CNTN5: variants seen among roughly 807,000 people sequenced by gnomAD.
CNTN5 encodes contactin-5.
A neutral mutation model predicts 129.1 loss-of-function variants in CNTN5; 77 were observed. The observed-to-expected ratio is 0.60, with a 90% CI of 0.50 to 0.72. The LOEUF is 0.72. CNTN5 is among the 30% of genes least tolerant of loss of function. The pLI is 0.00. For synonymous variants in CNTN5, 509 were observed against 465.6 expected, an observed-to-expected ratio of 1.09 and a Z score of -1.20; for missense variants, 1,478 against 1,328.8, an observed-to-expected ratio of 1.11 and a Z score of -1.75.
At chr11:100,354,769 CAACAT>C (rs1952487151) in intron 24 of CNTN5, among the ~76,000 whole-genome samples, 1 of 151,626 alleles carries the variant, frequency 6.6e-6, no homozygotes, top group Non-Finnish European at 1.5e-5. Flanking sequence ...TAGACATACA[CAACAT>C]GATACTGTAC....
intron 2 of CNTN5, among the ~76,000 whole-genome samples, chr11:99,373,489 G>A (rs917835765): frequency 3.9e-5 from 6 of 151,958 alleles, no homozygotes; most frequent in Non-Finnish European, 7.4e-5. Context: ...CGAGGTGGGT[G>A]GATGACCTGA....
intron 1 of CNTN5, among the ~76,000 whole-genome samples, chr11:99,258,270 A>T (rs1347780104): frequency 2.0e-5 from 3 of 151,922 alleles, no homozygotes; most frequent in Non-Finnish European, 4.4e-5. Flanking sequence ...CCTAGTACCC[A>T]TTAGTTATTT....
intron 2 of CNTN5, among the ~76,000 whole-genome samples, chr11:99,448,279 G>A (rs1325218584): frequency 6.6e-6 from 1 of 152,062 alleles, no homozygotes; most frequent in Non-Finnish European, 1.5e-5. Context: ...TAAAATTCTT[G>A]TGTATAGTAC....
At chr11:99,767,530 TA>T (rs1944794841) in intron 3 of CNTN5, among the ~76,000 whole-genome samples, 1 of 151,926 alleles carries the variant, frequency 6.6e-6, no homozygotes, top group Admixed American at 6.6e-5. Flanking sequence ...AGATAGTGGA[TA>T]AAATAGTACA....
chr11:100,267,402 C>A (rs895840387), intron 17 of CNTN5, among the ~76,000 whole-genome samples: 51 of 152,012 alleles, frequency 3.4e-4, no homozygotes, highest in African/African-American at 1.2e-3. Context: ...AGCTCTATCA[C>A]CAAATGCAAC....
chr11:99,035,283 G>C (rs1863654523), intron 1 of CNTN5, among the ~76,000 whole-genome samples: 2 of 149,334 alleles, frequency 1.3e-5, no homozygotes. Flanking sequence ...ATGTCTATTA[G>C]GTCCGCTTGG....
chr11:100,076,715 A>G (rs1162826072), intron 13 of CNTN5, among the ~76,000 whole-genome samples: 3 of 151,846 alleles, frequency 2.0e-5, no homozygotes, highest in Non-Finnish European at 4.4e-5. Context: ...GCTCAGCCAC[A>G]TTTCCTTAGC....
At chr11:99,566,381 C>T (rs1230619418) in intron 3 of CNTN5, among the ~76,000 whole-genome samples, 3 of 152,286 alleles carry the variant, frequency 2.0e-5, no homozygotes, top group African/African-American at 4.8e-5. Flanking sequence ...CTCTTCTTTA[C>T]GAATTATCTA....
At chr11:99,534,604 G>A (rs903095228) in intron 2 of CNTN5, among the ~76,000 whole-genome samples, 1 of 152,150 alleles carries the variant, frequency 6.6e-6, no homozygotes, top group Non-Finnish European at 1.5e-5. Context: ...GAGTGTTGGT[G>A]TATTTAGAGA....
intron 2 of CNTN5, among the ~76,000 whole-genome samples, chr11:99,410,314 TAGA>T (rs1290941891): frequency 6.6e-6 from 1 of 152,194 alleles, no homozygotes; most frequent in Non-Finnish European, 1.5e-5. Flanking sequence ...TTGCAATTTG[TAGA>T]AGAACTGACA....
intron 21 of CNTN5, chr11:100,308,671 G>A (rs779696129): frequency 2.5e-5 from 30 of 1,210,076 alleles, no homozygotes; most frequent in South Asian, 6.1e-5. Flanking sequence ...AGTAGCTTCC[G>A]TAGCACTATG....
intron 8 of CNTN5, among the ~76,000 whole-genome samples, chr11:99,974,002 T>C (rs1937761908): frequency 6.6e-6 from 1 of 152,204 alleles, no homozygotes; most frequent in Non-Finnish European, 1.5e-5. Context: ...TTATTCAAAA[T>C]ATTTTAAAAC....
In CNTN5 at chr11:99,496,974, C is replaced by A. The variant is rs567316869; in HGVS notation, c.-70-59171C>A. The stretch of plus-strand genomic sequence containing the variant: ...TCGGCCAGAATTCAAGTATACACTT[C>A]CAGTGCTTCCTAGTTGTTTGATTTT... On this transcript the variant is annotated intron_variant, in intron 2 of 24. Transcript: ENST00000524871. Among the ~76,000 whole-genome samples the A allele has an allele frequency of 5.9e-5, 9 of 152,284 alleles. No individual in the cohort carries two copies. In the South Asian group the frequency reaches 1.7e-3, roughly 28 times the overall value.
At chr11:100,287,646 C>A (rs1950828764) in intron 18 of CNTN5, among the ~76,000 whole-genome samples, 1 of 151,804 alleles carries the variant, frequency 6.6e-6, no homozygotes, top group Non-Finnish European at 1.5e-5. Flanking sequence ...CCAGCCGCTG[C>A]AAAATCATGC....
At chr11:99,215,907 A>C (rs1001324687) in intron 1 of CNTN5, among the ~76,000 whole-genome samples, 1 of 152,084 alleles carries the variant, frequency 6.6e-6, no homozygotes, top group Non-Finnish European at 1.5e-5. Flanking sequence ...TCAGTGCATA[A>C]TGGTTGTATA....
intron 1 of CNTN5, among the ~76,000 whole-genome samples, chr11:99,202,211 C>T (rs759514719): frequency 6.6e-6 from 1 of 152,144 alleles, no homozygotes; most frequent in Non-Finnish European, 1.5e-5. Flanking sequence ...AAAAGTTTTT[C>T]TGAAGCTCAT....
intron 18 of CNTN5, among the ~76,000 whole-genome samples, chr11:100,277,031 T>G (rs1950528283): frequency 6.6e-6 from 1 of 152,112 alleles, no homozygotes; most frequent in Non-Finnish European, 1.5e-5. Flanking sequence ...TGAGTTCGAT[T>G]GTTTTAATTT....
At chr11:99,184,444 A>G (rs1858237828) in intron 1 of CNTN5, among the ~76,000 whole-genome samples, 1 of 152,092 alleles carries the variant, frequency 6.6e-6, no homozygotes, top group Non-Finnish European at 1.5e-5. Flanking sequence ...TGTAACTGCT[A>G]TGGGAAATCT....
rs748878175 is a variant in CNTN5 at position 100,071,728 on chromosome 11, A to C, written c.1323A>C (p.Gly441=). ...AGAGTAGGGTTGAGATGGTTAATGGAGTATTGATGATCCACAATGTGAATC... is the reference window on the plus strand; with the variant it reads ...AGAGTAGGGTTGAGATGGTTAATGGCGTATTGATGATCCACAATGTGAATC... ...SPQSRVEMVN[G]VLMIHNVNQS... Residue 441 remains glycine, a synonymous_variant, in exon 12 of 25, where the codon GGA becomes GGC. Transcript: ENST00000524871. 1.3e-6 allele frequency: 2 copies of C among 1,593,632 alleles called. No homozygotes were observed. Among genetic ancestry groups the C allele is most frequent in the Non-Finnish European group, 1.7e-6 (2 of 1,168,776 alleles).
Sources: allele counts gnomAD v4.1 joint callset (sites outside exome capture counted in the v4.1 genomes callset), GRCh38; gene constraint gnomAD v4.1.1; transcripts MANE v1.5; gene names NCBI Gene and HGNC (gene_info 2026-07-23, HGNC 2026-07-21).